The following SAXO1 variants were observed in gnomAD, a reference collection of about 807,000 sequenced individuals.
SAXO1 encodes stabilizer of axonemal microtubules 1.
Under a neutral mutation model 17.5 loss-of-function variants are expected in SAXO1, and 21 were observed. The observed-to-expected ratio is 1.20, with a 90% CI of 0.85 to 1.72. The LOEUF (loss-of-function observed/expected upper bound fraction) is 1.72, where lower values mean the gene tolerates loss of function less well. SAXO1 is among the 40% of genes most tolerant of loss of function. The probability of loss-of-function intolerance (pLI) is 0.00; values close to 1 mark genes in which losing one functional copy is unlikely to be tolerated. For synonymous variants in SAXO1, 274 were observed against 216.5 expected (o/e 1.27, Z -2.33); for missense variants, 843 against 596.0 (o/e 1.41, Z -4.32).
intron 3 of SAXO1, among the ~76,000 whole-genome samples, chr9:18,936,990 G>A (rs1831323547): frequency 6.6e-6 from 1 of 152,168 alleles, no homozygotes; most frequent in Non-Finnish European, 1.5e-5. Flanking sequence ...AAATCTAGAT[G>A]GCACCCACTG....
intron 1 of SAXO1, among the ~76,000 whole-genome samples, chr9:19,011,266 C>T (rs529023484): frequency 6.6e-5 from 10 of 152,314 alleles, no homozygotes; most frequent in African/African-American, 2.4e-4. Flanking sequence ...CAAATCCTAT[C>T]AAACTACCTG....
At chr9:19,014,559 A>G (rs1834890201) in intron 1 of SAXO1, among the ~76,000 whole-genome samples, 1 of 152,152 alleles carries the variant, frequency 6.6e-6, no homozygotes, top group African/African-American at 2.4e-5. Context: ...GCTATCGGAA[A>G]TATCACTGAC....
intron 2 of SAXO1, among the ~76,000 whole-genome samples, chr9:18,948,797 T>G (rs928314527): frequency 6.6e-6 from 1 of 152,164 alleles, no homozygotes; most frequent in African/African-American, 2.4e-5. Context: ...TGTCTATACT[T>G]TCAGGATAGG....
intron 1 of SAXO1, among the ~76,000 whole-genome samples, chr9:18,983,101 G>A (rs1403389804): frequency 1.3e-5 from 2 of 152,064 alleles, no homozygotes; most frequent in Non-Finnish European, 2.9e-5. Context: ...AAAAAAAGGA[G>A]CAAAAATACA....
chr9:18,990,181 T>C (rs1016248721), intron 1 of SAXO1, among the ~76,000 whole-genome samples: 46 of 152,162 alleles, frequency 3.0e-4, no homozygotes, highest in African/African-American at 1.1e-3. Context: ...TTTTTTTTTT[T>C]TTCCTAACAA....
At chr9:18,960,801 A>AAAGC (rs1408003486) in intron 1 of SAXO1, among the ~76,000 whole-genome samples, 1 of 151,644 alleles carries the variant, frequency 6.6e-6, no homozygotes, top group Non-Finnish European at 1.5e-5. Context: ...AAAATTGCTG[A>AAAGC]ATTAATCGAA....
chr9:18,980,463 C>G (rs1004590085), intron 1 of SAXO1, among the ~76,000 whole-genome samples: 1 of 146,530 alleles, frequency 6.8e-6, no homozygotes, highest in Non-Finnish European at 1.5e-5. Flanking sequence ...ATGTGACTTC[C>G]TTCCTAAGGA....
At chr9:19,020,555 C>T (rs986085298) in intron 1 of SAXO1, among the ~76,000 whole-genome samples, 15 of 152,110 alleles carry the variant, frequency 9.9e-5, no homozygotes, top group Non-Finnish European at 2.1e-4. Flanking sequence ...AACAGGGTTT[C>T]ACCATGCAGC....
chr9:19,014,858 C>T (rs1834904160), intron 1 of SAXO1, among the ~76,000 whole-genome samples: 1 of 152,150 alleles, frequency 6.6e-6, no homozygotes, highest in African/African-American at 2.4e-5. Flanking sequence ...GTTCCCTCTT[C>T]CTGCCGGGGT....
chr9:18,963,439 T>C (rs1419403422), intron 1 of SAXO1, among the ~76,000 whole-genome samples: 1 of 152,208 alleles, frequency 6.6e-6, no homozygotes, highest in Non-Finnish European at 1.5e-5. Flanking sequence ...TCCATGAGCA[T>C]GCAATGTTTT....
At chr9:19,018,102 A>C (rs538444582) in intron 1 of SAXO1, among the ~76,000 whole-genome samples, 1 of 151,618 alleles carries the variant, frequency 6.6e-6, no homozygotes, top group East Asian at 1.9e-4. Context: ...TGAGAGTTTG[A>C]GGTTGCTGTG....
At chr9:18,937,779 C>T (rs1373812109) in intron 3 of SAXO1, among the ~76,000 whole-genome samples, 1 of 152,160 alleles carries the variant, frequency 6.6e-6, no homozygotes, top group Non-Finnish European at 1.5e-5. Flanking sequence ...GACACCAAAC[C>T]TATCAGCGCC....
chr9:18,992,903 TG>T (rs1267078241), intron 1 of SAXO1, among the ~76,000 whole-genome samples: 2 of 151,952 alleles, frequency 1.3e-5, no homozygotes, highest in Non-Finnish European at 2.9e-5. Flanking sequence ...TGGGTTCAAG[TG>T]ATTCTCCTGC....
chr9:19,043,491 G>T (rs1836128947), intron 1 of SAXO1, among the ~76,000 whole-genome samples: 1 of 152,100 alleles, frequency 6.6e-6, no homozygotes, highest in Non-Finnish European at 1.5e-5. Flanking sequence ...TAGGGGCCAG[G>T]CATGGTGGCT....
intron 1 of SAXO1, among the ~76,000 whole-genome samples, chr9:18,961,063 C>T (rs1832463368): frequency 6.6e-6 from 1 of 151,910 alleles, no homozygotes; most frequent in African/African-American, 2.4e-5. Context: ...TGCTAAGTTT[C>T]TTGCAAAAGA....
chr9:18,970,106 T>C (rs1028525781), intron 1 of SAXO1, among the ~76,000 whole-genome samples: 12 of 152,252 alleles, frequency 7.9e-5, no homozygotes, highest in African/African-American at 2.7e-4. Flanking sequence ...CCAGTGAGCA[T>C]GGCTGATACT....
At chr9:18,945,846 T>C (rs1351327568) in intron 2 of SAXO1, among the ~76,000 whole-genome samples, 1 of 152,188 alleles carries the variant, frequency 6.6e-6, no homozygotes, top group Non-Finnish European at 1.5e-5. Context: ...AATGGCACTG[T>C]GTGAGGCTTC....
At chr9:18,942,400 G>A (rs936684023) in intron 2 of SAXO1, among the ~76,000 whole-genome samples, 13 of 152,140 alleles carry the variant, frequency 8.5e-5, no homozygotes, top group Admixed American at 7.9e-4. Context: ...CAATGCCACC[G>A]TTTCTACTGC....
chr9:18,960,395 T>G (rs7041472), intron 1 of SAXO1, among the ~76,000 whole-genome samples: 23,544 of 152,068 alleles, frequency 0.15, 3,867 homozygotes, highest in African/African-American at 0.42. Context: ...CGGGGAACAC[T>G]CTGCCTGGAA....
Sources: allele counts gnomAD v4.1 joint callset (sites outside exome capture counted in the v4.1 genomes callset), GRCh38; gene constraint gnomAD v4.1.1; transcripts MANE v1.5; gene names NCBI Gene and HGNC (gene_info 2026-07-23, HGNC 2026-07-21).